Variants in PPP1R7 observed in about 807,000 individuals in gnomAD.
The protein encoded by PPP1R7 is protein phosphatase 1 regulatory subunit 7.
Under a neutral mutation model 45.2 loss-of-function variants are expected in PPP1R7, and 18 were observed. That is an observed-to-expected ratio of 0.40 (90% CI 0.28 to 0.59). The LOEUF is 0.59. Among genes scored for constraint, PPP1R7 ranks in the 20% least tolerant of loss-of-function variants. The pLI, the probability that PPP1R7 is intolerant of heterozygous loss-of-function variation, is 0.46. For missense variants in PPP1R7, 314 were observed against 455.8 expected (o/e 0.69, Z 2.83); for synonymous variants, 181 against 183.4 (o/e 0.99, Z 0.11).
At chr2:241,163,424 C>T in intron 7 of PPP1R7, 23 bp downstream of exon 7, 1 of 1,543,120 alleles carries the variant, frequency 6.5e-7, no homozygotes, top group East Asian at 2.2e-5. Context: ...CTGAGCCGCC[C>T]TTCCCTGCGA....
intron 6 of PPP1R7, among the ~76,000 whole-genome samples, chr2:241,160,706 C>T (rs767474106): frequency 3.9e-5 from 6 of 152,204 alleles, no homozygotes; most frequent in Non-Finnish European, 8.8e-5. Context: ...GCCTTTCTTC[C>T]GCACGTAGAT....
At chr2:241,178,595 T>C (rs2067946872) in intron 9 of PPP1R7, among the ~76,000 whole-genome samples, 1 of 124,968 alleles carries the variant, frequency 8.0e-6, no homozygotes, top group South Asian at 3.0e-4. Context: ...TAGCTAGGAC[T>C]ACAGGTGCCC....
Position 241,169,413 on chromosome 2 carries a change from A to G in PPP1R7, c.820-368A>G, listed in dbSNP as rs76475237. On this transcript the variant is annotated intron_variant, in intron 8 of 9. Transcript: ENST00000234038. Reference sequence around the variant, plus strand: ...TGAGCACTAAGTAAATGTTTCTACAATTGTCAGCCTTTCTTCAGAGCGTCA... The same window carrying G: ...TGAGCACTAAGTAAATGTTTCTACAGTTGTCAGCCTTTCTTCAGAGCGTCA... Among the ~76,000 whole-genome samples the G allele has an allele frequency of 8.5e-5, 13 of 152,314 alleles. No homozygotes were observed. The East Asian group carries it at 2.3e-3, about 27-fold the overall frequency.
In PPP1R7 at chr2:241,159,038, C is replaced by T. The variant is rs569159553; in HGVS notation, c.304-175C>T. 9.5e-6 allele frequency: 7 copies of T among 736,914 alleles called. No individual in the cohort carries two copies. The African/African-American group carries it at 1.1e-4, about 11-fold the overall frequency. 45.6% of individuals were successfully genotyped at this position (736,914 alleles called of 1,614,324 possible). A position where few individuals can be genotyped will look rare whatever the true frequency, so the allele number is the denominator to read the frequency against. On this transcript the variant is annotated intron_variant, in intron 4 of 9. Coordinates refer to ENST00000234038, the MANE Select transcript of PPP1R7 (RefSeq NM_002712.3). Reference sequence around the variant, plus strand: ...CCTCAGGTGTGTTAAGGAATTATAGCTTAGTGCCCTTGCCCACCTGCCTCT... The same window carrying T: ...CCTCAGGTGTGTTAAGGAATTATAGTTTAGTGCCCTTGCCCACCTGCCTCT...
At position 241,180,388 on chromosome 2, in the gene PPP1R7, TAAA is replaced by T. The variant is rs58267372; in HGVS notation, c.907-2239_907-2237del. Among the ~76,000 whole-genome samples, 195 of 99,990 alleles carry T rather than the reference TAAA, an allele frequency of 2.0e-3. 1 individual carries two copies. The highest frequency in any genetic ancestry group is 0.013 in the South Asian group (39 of 3,000). The allele number at this position is 99,990 out of a possible 152,430, so 65.6% of individuals were successfully genotyped here. Reference sequence around the variant, plus strand: ...AATACTCTAACGATCGCTGGTGAGCTAAAAAAAAAAAAAAAAAAAAAAGTGAAA... The same window carrying T: ...AATACTCTAACGATCGCTGGTGAGCTAAAAAAAAAAAAAAAAAAAGTGAAA... On this transcript the variant is annotated intron_variant, in intron 9 of 9. Coordinates refer to ENST00000234038, the MANE Select transcript of PPP1R7 (RefSeq NM_002712.3).
Position 241,182,664 on chromosome 2 carries a change from T to C in PPP1R7, c.924T>C (p.Leu308=), listed in dbSNP as rs774752897. ...LQEFWMNDNL[L]ESWSDLDELK... ...GTCCCCAGATGAACGACAATCTCCT[T>C]GAGAGCTGGAGCGACCTCGACGAGC... The change falls in exon 10 of 10, where the codon CTT becomes CTC. Residue 308 remains leucine, a synonymous_variant. Transcript: ENST00000234038. The C allele has an allele frequency of 6.2e-7, 1 of 1,614,098 alleles. No homozygotes were observed. The highest frequency in any genetic ancestry group is 1.1e-5 in the South Asian group (1 of 91,072).
chr2:241,149,697 C>A, upstream of PPP1R7: 1 of 1,551,148 alleles, frequency 6.4e-7, no homozygotes, highest in Non-Finnish European at 8.7e-7. Context: ...TCCCGACTCG[C>A]GATCAAAATG....
At chr2:241,181,963 A>G (rs546151412) in intron 9 of PPP1R7, among the ~76,000 whole-genome samples, 1 of 151,958 alleles carries the variant, frequency 6.6e-6, no homozygotes, top group East Asian at 1.9e-4. Flanking sequence ...AGATGGCACC[A>G]CTGCACTCCA....
chr2:241,176,089 C>G (rs969110939), intron 9 of PPP1R7, among the ~76,000 whole-genome samples: 1 of 152,094 alleles, frequency 6.6e-6, no homozygotes, highest in African/African-American at 2.4e-5. Context: ...ATTTTAAAAT[C>G]TTTTGTAGAG....
Position 241,166,282 on chromosome 2 carries a change from T to C in PPP1R7, c.715-55T>C, listed in dbSNP as rs16843404. The C allele has an allele frequency of 4.0e-3, 5,648 of 1,413,966 alleles. 165 individuals are homozygous for C. In the African/African-American group the frequency reaches 0.062, roughly 16 times the overall value. 87.6% of individuals were successfully genotyped at this position (1,413,966 alleles called of 1,614,324 possible). ...ACAAAACCTCGTTTCCTAAAAACCG[T>C]TTCATTTCATACCTTCTGTACTGTT... On this transcript the variant is annotated intron_variant, in intron 7 of 9. Coordinates refer to ENST00000234038, the MANE Select transcript of PPP1R7 (RefSeq NM_002712.3).
chr2:241,165,383 T>C (rs780070143), intron 7 of PPP1R7, among the ~76,000 whole-genome samples: 2 of 151,750 alleles, frequency 1.3e-5, no homozygotes, highest in Non-Finnish European at 2.9e-5. Context: ...GCCAGGCTGG[T>C]CTCAAACTCC....
At chr2:241,154,469 C>CT (rs1222691847) in intron 2 of PPP1R7, among the ~76,000 whole-genome samples, 1 of 152,060 alleles carries the variant, frequency 6.6e-6, no homozygotes, top group Non-Finnish European at 1.5e-5. Context: ...GGGTGGATCA[C>CT]TTGAGGTCAG....
At position 241,182,792 on chromosome 2, in the gene PPP1R7, G is replaced by A. The variant is rs769434892; in HGVS notation, c.1052G>A (p.Arg351Gln). The A allele has an allele frequency of 1.9e-5, 30 of 1,613,530 alleles. No homozygotes were observed. The highest frequency in any genetic ancestry group is 4.4e-5 in the South Asian group (4 of 91,080). ...RKVMLALPSV[R>Q]QIDATFVRF Reference sequence around the variant, plus strand: ...GTCATGCTCGCCCTCCCCTCCGTGCGGCAGATCGATGCCACGTTCGTCAGG... The same window carrying A: ...GTCATGCTCGCCCTCCCCTCCGTGCAGCAGATCGATGCCACGTTCGTCAGG... Residue 351 changes from arginine to glutamine, a missense_variant, in exon 10 of 10, where the codon CGG (arginine) becomes CAG (glutamine). Around this residue, in one of 3 missense-constraint regions of PPP1R7, gnomAD observed 168 missense variants for 285.3 expected, o/e 0.59. Coordinates refer to ENST00000234038, the MANE Select transcript of PPP1R7 (RefSeq NM_002712.3).
chr2:241,165,810 G>A lies in PPP1R7; in HGVS notation c.715-527G>A, dbSNP rs184655159. ...GACGGGGTTTCACCGTGTTAGCCAG[G>A]ATGGTCTCGATCTCATAACCTCATG... On this transcript the variant is annotated intron_variant, in intron 7 of 9. Transcript: ENST00000234038. Among the ~76,000 whole-genome samples, 54 of 151,356 alleles carry A rather than the reference G, an allele frequency of 3.6e-4. No individual in the cohort carries two copies. In the East Asian group the frequency reaches 0.01, roughly 29 times the overall value.
At chr2:241,156,591 T>A (rs966861935) in intron 2 of PPP1R7, among the ~76,000 whole-genome samples, 2 of 152,170 alleles carry the variant, frequency 1.3e-5, no homozygotes, top group African/African-American at 2.4e-5. Flanking sequence ...CAAGGATTGC[T>A]TGAGCCCACA....
chr2:241,150,332 C>T, upstream of PPP1R7: 15 of 1,321,190 alleles, frequency 1.1e-5, no homozygotes, highest in Non-Finnish European at 1.5e-5. Flanking sequence ...CGCGCGGCCT[C>T]ATGACGGAAC....
chr2:241,167,771 T>C (rs1575399524), intron 8 of PPP1R7, among the ~76,000 whole-genome samples: 1 of 152,254 alleles, frequency 6.6e-6, no homozygotes, highest in South Asian at 2.1e-4. Context: ...AATTGTTGTA[T>C]TAAAGGTAAT....
At chr2:241,163,785 G>T (rs545563712) in intron 7 of PPP1R7, among the ~76,000 whole-genome samples, 9 of 152,092 alleles carry the variant, frequency 5.9e-5, no homozygotes, top group African/African-American at 1.7e-4. Context: ...TTGTCAAGGG[G>T]GTGAGGAATG....
At chr2:241,150,966 G>T (rs1411875497) in intron 1 of PPP1R7, among the ~76,000 whole-genome samples, 7 of 152,238 alleles carry the variant, frequency 4.6e-5, no homozygotes, top group African/African-American at 1.7e-4. Context: ...GGGTGGAGAA[G>T]GGTCTTCTCT....
Sources: allele counts gnomAD v4.1 joint callset (sites outside exome capture counted in the v4.1 genomes callset), GRCh38; gene constraint gnomAD v4.1.1; regional missense constraint gnomAD v4.1.1; transcripts MANE v1.5; gene names NCBI Gene and HGNC (gene_info 2026-07-23, HGNC 2026-07-21).